THRA: variants seen among roughly 807,000 people sequenced by gnomAD.
THRA encodes the protein thyroid hormone receptor alpha, also known as EAR-7.
In THRA, 13 loss-of-function variants were observed where a neutral mutation model predicts 45.0. The observed-to-expected ratio is 0.29, with a 90% CI of 0.19 to 0.46. The LOEUF is 0.46. THRA is among the 20% of genes least tolerant of loss of function. THRA has a pLI of 1.00. For missense variants in THRA, 278 were observed against 556.1 expected, an observed-to-expected ratio of 0.50 and a Z score of 5.03; for synonymous variants, 195 against 214.0, an observed-to-expected ratio of 0.91 and a Z score of 0.78.
chr17:40,086,594 C>T (rs1290205677), intron 6 of THRA, 113 bp from the exon 7 acceptor site: 4 of 1,363,918 alleles, frequency 2.9e-6, no homozygotes, highest in Admixed American at 2.5e-5. Flanking sequence ...GACTCAGGCA[C>T]GGGCGGCCCC....
Position 40,086,850 on chromosome 17 carries a change from C to T in THRA, c.720C>T (p.Ser240=), listed in dbSNP as rs2230702. ...TTGCCAAAAAACTGCCCATGTTCTC[C>T]GAGGTGAGTGGCAGAAGTGGGGAGA... is the stretch of plus-strand genomic sequence containing the variant. The part of the protein sequence containing the change: ...VDFAKKLPMF[S]ELPCEDQIIL... Residue 240 remains serine, a synonymous_variant, in exon 7 of 9, where the codon TCC becomes TCT. Coordinates refer to ENST00000450525, the MANE Select transcript of THRA (RefSeq NM_199334.5). 1,831 of 1,614,022 alleles carry T rather than the reference C, an allele frequency of 1.1e-3. 25 individuals carry two copies. In the African/African-American group the frequency reaches 0.021, roughly 19 times the overall value.
At chr17:40,077,117 T>C (rs1206964960) in intron 3 of THRA, among the ~76,000 whole-genome samples, 179 bp downstream of exon 3, 1 of 152,124 alleles carries the variant, frequency 6.6e-6, no homozygotes, top group Admixed American at 6.5e-5. Flanking sequence ...GCCCAGCTTT[T>C]GAGGGTGGAT....
chr17:40,092,809 G>T lies in THRA; in HGVS notation c.*3353G>T. 3 of 684,384 alleles carry T rather than the reference G, an allele frequency of 4.4e-6. No homozygotes were observed. Among genetic ancestry groups the T allele is most frequent in the East Asian group, 3.1e-5 (1 of 32,542 alleles). The allele number at this position is 684,384 out of a possible 1,614,324, so 42.4% of individuals were successfully genotyped here. A position where few individuals can be genotyped will look rare whatever the true frequency, so the allele number is the denominator to read the frequency against. Reference sequence around the variant, plus strand: ...GAAGCCAGCTCAGCTGTGAACTATTGGATTTGAGACAGGAACAGAACAAAT... The same window carrying T: ...GAAGCCAGCTCAGCTGTGAACTATTTGATTTGAGACAGGAACAGAACAAAT... On this transcript the variant is annotated 3_prime_UTR_variant, in exon 9 of 9. Transcript: ENST00000450525.
chr17:40,085,276 C>G (rs768699047), intron 6 of THRA, among the ~76,000 whole-genome samples: 1 of 152,000 alleles, frequency 6.6e-6, no homozygotes, highest in African/African-American at 2.4e-5. Flanking sequence ...GTGGGAGGAT[C>G]GCTTGAGCCC....
Position 40,092,810 on chromosome 17 carries a change from G to T in THRA, c.*3354G>T. The T allele has an allele frequency of 4.1e-6, 3 of 731,972 alleles. No homozygotes were observed. Among genetic ancestry groups the T allele is most frequent in the Non-Finnish European group, 6.4e-6 (3 of 469,040 alleles). The allele number at this position is 731,972 out of a possible 1,614,324, so 45.3% of individuals were successfully genotyped here. On this transcript the variant is annotated 3_prime_UTR_variant, in exon 9 of 9. Transcript: ENST00000450525. The stretch of plus-strand genomic sequence containing the variant: ...AAGCCAGCTCAGCTGTGAACTATTG[G>T]ATTTGAGACAGGAACAGAACAAATC...
At chr17:40,075,415 G>T (rs1986917146) in intron 2 of THRA, among the ~76,000 whole-genome samples, 1 of 152,202 alleles carries the variant, frequency 6.6e-6, no homozygotes, top group Non-Finnish European at 1.5e-5. Flanking sequence ...CCCACAACTG[G>T]GTCCCTGGAG....
intron 4 of THRA, among the ~76,000 whole-genome samples, chr17:40,079,174 AGAG>A (rs1405785300): frequency 3.3e-5 from 5 of 152,318 alleles, no homozygotes; most frequent in East Asian, 3.9e-4. Flanking sequence ...CTGGGAGCAC[AGAG>A]GAGAAGAGGA....
intron 1 of THRA, among the ~76,000 whole-genome samples, chr17:40,067,087 A>G (rs1220050420): frequency 1.3e-5 from 2 of 152,104 alleles, no homozygotes; most frequent in Non-Finnish European, 2.9e-5. Flanking sequence ...TGGGTCTCCA[A>G]TTTCCAGCCT....
chr17:40,086,739 C>T lies in THRA; in HGVS notation c.609C>T (p.Ser203=). The T allele has an allele frequency of 5.6e-6, 9 of 1,614,152 alleles. No homozygotes were observed. Among genetic ancestry groups the T allele is most frequent in the Non-Finnish European group, 7.6e-6 (9 of 1,180,018 alleles). The part of the protein sequence containing the change: ...PDDIGQSPIV[S]MPDGDKVDLE... ...ACATTGGCCAGTCACCCATTGTCTC[C>T]ATGCCGGACGGAGACAAGGTGGACC... The change falls in exon 7 of 9, where the codon TCC becomes TCT. Residue 203 remains serine (S), a synonymous_variant. Transcript: ENST00000450525.
At position 40,092,847 on chromosome 17, in the gene THRA, G is replaced by T. The variant is rs201812431; in HGVS notation, c.*3391G>T. On this transcript the variant is annotated 3_prime_UTR_variant, in exon 9 of 9. Transcript: ENST00000450525. Reference sequence around the variant, plus strand: ...GAACAGAACAAATCAGAGGGCCAGGGGAGGGTTGTGGGGGAGACAGAGTGG... The same window carrying T: ...GAACAGAACAAATCAGAGGGCCAGGTGAGGGTTGTGGGGGAGACAGAGTGG... The T allele has an allele frequency of 1.8e-5, 16 of 912,706 alleles. No individual in the cohort carries two copies. Among genetic ancestry groups the T allele is most frequent in the Non-Finnish European group, 2.6e-5 (16 of 620,976 alleles). 56.5% of individuals were successfully genotyped at this position (912,706 alleles called of 1,614,324 possible). A position where few individuals can be genotyped will look rare whatever the true frequency, so the allele number is the denominator to read the frequency against.
chr17:40,062,956 C>G (rs1353010291), upstream of THRA: 2 of 150,690 alleles, frequency 1.3e-5, no homozygotes, highest in East Asian at 2.0e-4. Context: ...CCCCGCCCCC[C>G]CCGCGCTCAC....
At chr17:40,093,577 T>C, downstream of THRA, 1 of 883,120 alleles carries the variant, frequency 1.1e-6, no homozygotes, top group Non-Finnish European at 1.7e-6. This position sits in a 1 kb window ranked among gnomAD's most constrained non-coding sequence, Gnocchi z 5.9. Flanking sequence ...GCTGTGTAGT[T>C]CCCTCTGCCT....
intron 1 of THRA, among the ~76,000 whole-genome samples, chr17:40,066,494 T>C (rs1027548478): frequency 6.6e-6 from 1 of 151,616 alleles, no homozygotes; most frequent in Non-Finnish European, 1.5e-5. Context: ...TGAAACCCCA[T>C]CTCTACTAAA....
At chr17:40,081,654 T>C (rs532449239) in intron 4 of THRA, among the ~76,000 whole-genome samples, 40 of 152,208 alleles carry the variant, frequency 2.6e-4, no homozygotes, top group Middle Eastern at 3.4e-3. Context: ...TCTTGAGTTT[T>C]GAGGTGTTTC....
rs1486279522 is a variant in THRA, at chr17:40,074,484, A to C, written c.-5A>C. ...TGGAGGGCATCCTGGATGGAATTGA[A>C]GTGAATGGAACAGAAGCCAAGCAAG... On this transcript the variant is annotated 5_prime_UTR_variant, in exon 2 of 9. Transcript: ENST00000450525. The C allele has an allele frequency of 6.2e-7, 1 of 1,614,010 alleles. No individual in the cohort carries two copies. The highest frequency in any genetic ancestry group is 8.5e-7 in the Non-Finnish European group (1 of 1,179,916).
upstream of THRA, chr17:40,062,912 C>T (rs1237482177): frequency 4.0e-5 from 6 of 149,604 alleles, no homozygotes; most frequent in Admixed American, 2.0e-4. Flanking sequence ...GCCGCCGCCT[C>T]TGCCGGAGGA....
Position 40,077,671 on chromosome 17 carries a change from C to G in THRA, c.222+63C>G. 4.5e-6 allele frequency: 6 copies of G among 1,333,566 alleles called. No individual in the cohort carries two copies. In the South Asian group the frequency reaches 7.4e-5, roughly 16 times the overall value. The allele number at this position is 1,333,566 out of a possible 1,614,324, so 82.6% of individuals were successfully genotyped here. ...AGCCCCCATATTACTCCCTATGTCA[C>G]CTAAAGCCCGCCTGTTAGGTCATCA... On this transcript the variant is annotated intron_variant, in intron 4 of 8. Transcript: ENST00000450525.
At chr17:40,065,776 G>A (rs866272221) in intron 1 of THRA, among the ~76,000 whole-genome samples, 1 of 150,670 alleles carries the variant, frequency 6.6e-6, no homozygotes, top group Non-Finnish European at 1.5e-5. Flanking sequence ...GGGGGAAGGG[G>A]GGGGGGGTCA....
At position 40,091,975 on chromosome 17, in the gene THRA, G is replaced by T; in HGVS notation, c.*2519G>T. ...AGCATGCCTCCCCCAGTATTGGCCC[G>T]GGGCACTAGGGCAGGCAGGGTGGAG... On this transcript the variant is annotated 3_prime_UTR_variant, in exon 9 of 9. Transcript: ENST00000450525. The T allele has an allele frequency of 6.6e-6, 1 of 152,546 alleles. No homozygotes were observed. 9.4% of individuals were successfully genotyped at this position (152,546 alleles called of 1,614,324 possible).
Sources: allele counts gnomAD v4.1 joint callset (sites outside exome capture counted in the v4.1 genomes callset), GRCh38; gene constraint gnomAD v4.1.1; non-coding constraint Gnocchi (gnomAD v3.1); transcripts MANE v1.5; gene names NCBI Gene and HGNC (gene_info 2026-07-23, HGNC 2026-07-21).